The following FRMD3 variants were observed in gnomAD, a reference collection of about 807,000 sequenced individuals.
The protein encoded by FRMD3 is FERM domain containing 3, also known as FERM domain-containing protein 3.
FRMD3 carries 33 observed loss-of-function variants against 70.2 expected under a neutral mutation model. The ratio of observed to expected loss-of-function variants is 0.47; its 90% CI spans 0.36 to 0.63. FRMD3 has a LOEUF of 0.63. Among genes scored for constraint, FRMD3 ranks in the 20% least tolerant of loss-of-function variants. The pLI, the probability that FRMD3 is intolerant of heterozygous loss-of-function variation, is 0.00. For missense variants in FRMD3, 632 were observed against 711.4 expected, an observed-to-expected ratio of 0.89 and a Z score of 1.27; for synonymous variants, 279 against 255.9, an observed-to-expected ratio of 1.09 and a Z score of -0.86.
chr9:83,440,403 G>A (rs1027801457), intron 1 of FRMD3, among the ~76,000 whole-genome samples: 4 of 152,154 alleles, frequency 2.6e-5, no homozygotes, highest in Admixed American at 1.3e-4. Context: ...CTGGTCCAGT[G>A]GATCCCTAAT....
chr9:83,397,726 G>C (rs1383004301), intron 1 of FRMD3, among the ~76,000 whole-genome samples: 1 of 152,188 alleles, frequency 6.6e-6, no homozygotes, highest in African/African-American at 2.4e-5. Context: ...TATGCCTGCA[G>C]AAGTTGCTTT....
At chr9:83,321,766 G>T (rs1004752006) in intron 6 of FRMD3, among the ~76,000 whole-genome samples, 10 of 152,160 alleles carry the variant, frequency 6.6e-5, no homozygotes, top group Non-Finnish European at 2.9e-5. Flanking sequence ...CTAGTACTGT[G>T]AGTGGGGTGT....
At chr9:83,336,288 T>C (rs1194951274) in intron 5 of FRMD3, among the ~76,000 whole-genome samples, 1 of 152,066 alleles carries the variant, frequency 6.6e-6, no homozygotes, top group African/African-American at 2.4e-5. Flanking sequence ...AAACATCAGG[T>C]TGTATACCAT....
chr9:83,576,274 C>T, the FRMD3 span, among the ~76,000 whole-genome samples: 1 of 151,810 alleles, frequency 6.6e-6, no homozygotes, highest in African/African-American at 2.4e-5. Context: ...ACCACATCAA[C>T]ATAATAAAAG....
chr9:83,278,700 C>T (rs551603487), intron 13 of FRMD3, among the ~76,000 whole-genome samples: 121 of 152,200 alleles, frequency 8.0e-4, no homozygotes, highest in African/African-American at 2.6e-3. Context: ...AGCAGGGGCA[C>T]GTCCCCAGCC....
At chr9:83,473,891 A>T (rs1386623268) in intron 1 of FRMD3, among the ~76,000 whole-genome samples, 1 of 152,212 alleles carries the variant, frequency 6.6e-6, no homozygotes, top group African/African-American at 2.4e-5. Context: ...ACTATACCAG[A>T]TAAGACAGTA....
rs748230274 is a variant in FRMD3, at chr9:83,349,748, G to T, written c.305C>A (p.Pro102Gln). The T allele has an allele frequency of 2.5e-6, 4 of 1,609,884 alleles. No homozygotes were observed. The Admixed American group carries it at 5.0e-5, about 20-fold the overall frequency. The change falls in exon 4 of 14, where the codon CCA (proline) becomes CAA (glutamine). Residue 102 changes from proline (P) to glutamine (Q), a missense_variant. Coordinates refer to ENST00000304195, the MANE Select transcript of FRMD3 (RefSeq NM_174938.6). ...SIFKQMKTHP[P>Q]YTMCFRVKFY... Reference sequence around the variant, plus strand: ...TTTCACTCTAAAGCACATGGTGTATGGTGGATGAGCTGAAACATCATAAAG... The same window carrying T: ...TTTCACTCTAAAGCACATGGTGTATTGTGGATGAGCTGAAACATCATAAAG...
chr9:83,454,687 C>T (rs1180724444), intron 1 of FRMD3, among the ~76,000 whole-genome samples: 1 of 152,174 alleles, frequency 6.6e-6, no homozygotes, highest in East Asian at 1.9e-4. Flanking sequence ...GGTATGTCCC[C>T]TTCTTCTCCT....
Position 83,297,692 on chromosome 9 carries a change from T to C in FRMD3, c.1070+1056A>G, listed in dbSNP as rs1834730319. The C allele has an allele frequency of 1.1e-5, 5 of 468,912 alleles. No individual in the cohort carries two copies. In the Admixed American group the frequency reaches 1.2e-4, roughly 11 times the overall value. The allele number at this position is 468,912 out of a possible 1,614,324, so 29.0% of individuals were successfully genotyped here. On this transcript the variant is annotated intron_variant, in intron 12 of 13. Transcript: ENST00000304195. ...ACCAACATGCCTGGAGCCAAGATTCTCCAGCTTCTCTCATCCTGTAGTCTT... is the reference window on the plus strand; with the variant it reads ...ACCAACATGCCTGGAGCCAAGATTCCCCAGCTTCTCTCATCCTGTAGTCTT...
intron 1 of FRMD3, among the ~76,000 whole-genome samples, chr9:83,463,789 T>TGA (rs1828042298): frequency 6.6e-6 from 1 of 152,198 alleles, no homozygotes; most frequent in Admixed American, 6.5e-5. Flanking sequence ...AATGCTTACC[T>TGA]GCTGCCCACC....
At chr9:83,544,428 C>A in the FRMD3 span, among the ~76,000 whole-genome samples, 7 of 152,180 alleles carry the variant, frequency 4.6e-5, no homozygotes, top group Non-Finnish European at 1.0e-4. Flanking sequence ...TTTGGCCACT[C>A]CCCAACCCAG....
chr9:83,247,966 C>A lies in FRMD3; in HGVS notation c.1746G>T (p.Trp582Cys), dbSNP rs2118492221. Reference sequence around the variant, plus strand: ...GGATGAGGTGGACTTTCCCAGCCACCCACTCCTTGAGGGGACAGTAGTATT... The same window carrying A: ...GGATGAGGTGGACTTTCCCAGCCACACACTCCTTGAGGGGACAGTAGTATT... Reference protein sequence around the residue: ...HYEYYCPLKEWVAGKVHLILY... With the variant: ...HYEYYCPLKECVAGKVHLILY... Residue 582 changes from tryptophan to cysteine, a missense_variant, in exon 14 of 14, where the codon TGG becomes TGT. Trp to Cys is a radical substitution (Grantham distance 215). This residue lies in a region of FRMD3 where 418 missense variants were observed against 442.1 expected (regional missense o/e 0.95). Transcript: ENST00000304195. 6.2e-7 allele frequency: 1 copy of A among 1,614,108 alleles called. No individual in the cohort carries two copies.
rs1835914621 is a variant in FRMD3, at chr9:83,324,011, T to C, written c.597-10264A>G. 2.6e-5 allele frequency among the ~76,000 whole-genome samples: 4 copies of C among 152,188 alleles called. No homozygotes were observed. In the South Asian group the frequency reaches 8.3e-4, roughly 31 times the overall value. ...TTTAAGAAGCCATAGTAACTCTGTC[T>C]GCAATAGCAAAAACCTGGAAGCAAC... On this transcript the variant is annotated intron_variant, in intron 6 of 13. Coordinates refer to ENST00000304195, the MANE Select transcript of FRMD3 (RefSeq NM_174938.6).
chr9:83,514,996 T>C (rs556872512), intron 1 of FRMD3, among the ~76,000 whole-genome samples: 1 of 152,062 alleles, frequency 6.6e-6, no homozygotes, highest in East Asian at 1.9e-4. Context: ...GATAAATCCA[T>C]GAAGAAGAGG....
At chr9:83,443,446 C>T (rs1827365078) in intron 1 of FRMD3, among the ~76,000 whole-genome samples, 1 of 152,150 alleles carries the variant, frequency 6.6e-6, no homozygotes. Context: ...CAGCTTCACC[C>T]ATGTCGCTAC....
At chr9:83,401,852 A>T (rs1825959431) in intron 1 of FRMD3, among the ~76,000 whole-genome samples, 1 of 152,208 alleles carries the variant, frequency 6.6e-6, no homozygotes, top group African/African-American at 2.4e-5. Context: ...TGTGCCTAAA[A>T]GGATGAAATA....
intron 3 of FRMD3, among the ~76,000 whole-genome samples, chr9:83,357,270 TATATATATATATATATATATATATATAA>T (rs1564032824): frequency 3.3e-4 from 21 of 64,496 alleles, no homozygotes; most frequent in African/African-American, 9.9e-4. Context: ...TATATATATA[TATATATATATATATATATATATATATAA>T]AACATTTTCT....
At chr9:83,313,866 A>T in intron 6 of FRMD3, 119 bp from the exon 7 acceptor site, 3 of 727,988 alleles carry the variant, frequency 4.1e-6, no homozygotes, top group Non-Finnish European at 7.1e-6. Context: ...CCTTACATAA[A>T]TAGTAATCAG....
intron 1 of FRMD3, among the ~76,000 whole-genome samples, chr9:83,468,458 GAGAGCAGTACCACAA>G (rs1222549658): frequency 6.6e-6 from 1 of 152,198 alleles, no homozygotes; most frequent in African/African-American, 2.4e-5. Flanking sequence ...GGAAGCACAT[GAGAGCAGTACCACAA>G]AGAGCAGTAC....
Sources: gnomAD v4.1 joint callset for allele counts (sites outside exome capture counted in the v4.1 genomes callset) on GRCh38, gnomAD v4.1.1 for gene constraint, gnomAD v4.1.1 regional missense constraint, MANE v1.5 for transcripts, NCBI Gene and HGNC (gene_info 2026-07-23, HGNC 2026-07-21) for gene names.